PPARA: variants seen among roughly 807,000 people sequenced by gnomAD.
The protein encoded by PPARA is peroxisome proliferator activated receptor alpha, also known as peroxisome proliferator-activated receptor alpha.
In PPARA, 22 loss-of-function variants were observed where a neutral mutation model predicts 42.2. The ratio of observed to expected loss-of-function variants is 0.52; its 90% CI spans 0.37 to 0.74. The LOEUF (loss-of-function observed/expected upper bound fraction) is 0.74. PPARA is among the 30% of genes least tolerant of loss of function. The pLI is 0.00. For synonymous variants in PPARA, 242 were observed against 239.3 expected (o/e 1.01, Z -0.10); for missense variants, 465 against 608.2 (o/e 0.76, Z 2.48).
Position 46,162,009 on chromosome 22 carries a change from C to T in PPARA, c.-127+10039C>T, listed in dbSNP as rs898334645. ...TGAGCTGTCCTGCGTTTTCCCCTCC[C>T]CTCACCCTGGCGACCCTTTTCGGTC... On this transcript the variant is annotated intron_variant, in intron 2 of 8. Transcript: ENST00000407236. This position sits in a 1 kb window ranked among gnomAD's most constrained non-coding sequence, Gnocchi z 6.0. Among the ~76,000 whole-genome samples, 1 of 152,170 alleles carries T rather than the reference C, an allele frequency of 6.6e-6. No homozygotes were observed. The highest frequency in any genetic ancestry group is 2.4e-5 in the African/African-American group (1 of 41,452).
intron 2 of PPARA, among the ~76,000 whole-genome samples, chr22:46,158,356 G>A (rs1925634584): frequency 6.6e-6 from 1 of 152,132 alleles, no homozygotes; most frequent in Non-Finnish European, 1.5e-5. Flanking sequence ...GCAGTGAGCT[G>A]AGATCGCACC....
Position 46,156,726 on chromosome 22 carries a change from T to G in PPARA, c.-127+4756T>G, listed in dbSNP as rs1476029382. On this transcript the variant is annotated intron_variant, in intron 2 of 8. Transcript: ENST00000407236. The surrounding 1 kb of genome is among the most constrained non-coding windows in gnomAD (Gnocchi z 5.2). ...AAGCAATTCTCCCACCTCAGCCTCC[T>G]AAGTAGCTGGGACTACAGGCACCCG... The G allele has an allele frequency of 6.6e-6, 1 of 152,234 alleles. No individual in the cohort carries two copies. The highest frequency in any genetic ancestry group is 1.5e-5 in the Non-Finnish European group (1 of 68,116). The allele number at this position is 152,234 out of a possible 1,614,324, so 9.4% of individuals were successfully genotyped here. A position where few individuals can be genotyped will look rare whatever the true frequency, so the allele number is the denominator to read the frequency against.
chr22:46,166,282 T>A (rs959392965), intron 2 of PPARA, among the ~76,000 whole-genome samples: 2 of 152,146 alleles, frequency 1.3e-5, no homozygotes, highest in African/African-American at 4.8e-5. Flanking sequence ...TTTTGTCTAC[T>A]CTTTGTCTCT....
rs1404513686 is a variant in PPARA, at chr22:46,183,297, T to G, written c.-43+6461T>G. Among the ~76,000 whole-genome samples the G allele has an allele frequency of 6.6e-6, 1 of 152,260 alleles. No individual in the cohort carries two copies. The highest frequency in any genetic ancestry group is 1.9e-4 in the East Asian group (1 of 5,204). ...TTGTCATTAGTTTAAACTTCCAGTC[T>G]TTGTTTTAAAAACACATTAGAATAA... is the stretch of plus-strand genomic sequence containing the variant. On this transcript the variant is annotated intron_variant, in intron 3 of 8. Transcript: ENST00000407236. The surrounding 1 kb of genome is among the most constrained non-coding windows in gnomAD (Gnocchi z 5.5).
intron 2 of PPARA, among the ~76,000 whole-genome samples, chr22:46,153,041 G>A (rs996913690): frequency 6.6e-6 from 1 of 152,126 alleles, no homozygotes; most frequent in Non-Finnish European, 1.5e-5. Flanking sequence ...AACTGAGATT[G>A]TGCCACTGCA....
chr22:46,215,414 A>C (rs1156537422), intron 5 of PPARA, 81 bp downstream of exon 5: 1 of 1,569,030 alleles, frequency 6.4e-7, no homozygotes. Context: ...GGCAGTCATT[A>C]CTGAGAGATT....
At chr22:46,206,522 T>G (rs528877543) in intron 4 of PPARA, among the ~76,000 whole-genome samples, 1 of 152,326 alleles carries the variant, frequency 6.6e-6, no homozygotes, top group South Asian at 2.1e-4. Flanking sequence ...AGTGTATCTC[T>G]CTAATGTCTC....
At chr22:46,166,992 G>A (rs1927171208) in intron 2 of PPARA, among the ~76,000 whole-genome samples, 1 of 152,096 alleles carries the variant, frequency 6.6e-6, no homozygotes, top group Admixed American at 6.6e-5. Context: ...TTATTATAAA[G>A]CTACAGTAAT....
chr22:46,205,584 T>TTTTG, intron 4 of PPARA, among the ~76,000 whole-genome samples: 1 of 109,222 alleles, frequency 9.2e-6, no homozygotes, highest in Non-Finnish European at 1.8e-5. Flanking sequence ...TTTTTTTTTT[T>TTTTG]GAGACAGAGT....
intron 3 of PPARA, among the ~76,000 whole-genome samples, chr22:46,186,615 C>T (rs968877905): frequency 2.6e-5 from 4 of 152,098 alleles, no homozygotes; most frequent in African/African-American, 9.7e-5. Context: ...TTCAGCCAGG[C>T]GTAGTGGCTC....
At chr22:46,153,783 C>A (rs1213622256) in intron 2 of PPARA, among the ~76,000 whole-genome samples, 1 of 151,648 alleles carries the variant, frequency 6.6e-6, no homozygotes, top group African/African-American at 2.4e-5. Context: ...CTCTTGAACC[C>A]GGGAGGTGGA....
At chr22:46,169,530 G>A (rs994352456) in intron 2 of PPARA, among the ~76,000 whole-genome samples, 6 of 151,794 alleles carry the variant, frequency 4.0e-5, no homozygotes, top group South Asian at 4.1e-4. Flanking sequence ...CATCACGCCC[G>A]GCCACCAATG....
chr22:46,218,891 G>A (rs183770020), intron 6 of PPARA, among the ~76,000 whole-genome samples: 9 of 150,260 alleles, frequency 6.0e-5, no homozygotes, highest in Non-Finnish European at 1.2e-4. Flanking sequence ...TCCCAGGTGC[G>A]GTGGTTCACA....
At position 46,171,308 on chromosome 22, in the gene PPARA, A is replaced by T. The variant is rs1490024358; in HGVS notation, c.-126-5445A>T. The T allele has an allele frequency of 6.6e-6, 1 of 152,270 alleles. No individual in the cohort carries two copies. The highest frequency in any genetic ancestry group is 1.9e-4 in the East Asian group (1 of 5,202). 9.4% of individuals were successfully genotyped at this position (152,270 alleles called of 1,614,324 possible). Reference sequence around the variant, plus strand: ...CATTCTAGTTCAAACTCCACCAGATATTTGAGCTCCTTCTCTGTACCAGGC... The same window carrying T: ...CATTCTAGTTCAAACTCCACCAGATTTTTGAGCTCCTTCTCTGTACCAGGC... On this transcript the variant is annotated intron_variant, in intron 2 of 8. Transcript: ENST00000407236. The surrounding 1 kb of genome is among the most constrained non-coding windows in gnomAD (Gnocchi z 5.0).
intron 2 of PPARA, chr22:46,155,367 TGC>T (rs1925145169): frequency 6.6e-6 from 1 of 152,298 alleles, no homozygotes; most frequent in Non-Finnish European, 1.5e-5. Context: ...CAGACTGGCG[TGC>T]AGTGGCGCAA....
chr22:46,164,678 C>G (rs1449569508), intron 2 of PPARA: 2 of 152,172 alleles, frequency 1.3e-5, no homozygotes, highest in Non-Finnish European at 2.9e-5. Context: ...GAAGGTGGCC[C>G]AGCATAGGAG....
chr22:46,232,280 A>G lies in PPARA; in HGVS notation c.1159+41A>G, dbSNP rs765872588. On this transcript the variant is annotated intron_variant, in intron 8 of 8. Coordinates refer to ENST00000407236, the MANE Select transcript of PPARA (RefSeq NM_005036.6). The surrounding 1 kb of genome is among the most constrained non-coding windows in gnomAD (Gnocchi z 5.3). ...AATCTGCTGGTATCATGTCACTGAC[A>G]GGCTCCTGTCTTGAAAAATTTGACA... 5.0e-6 allele frequency: 8 copies of G among 1,602,084 alleles called. No homozygotes were observed. Among genetic ancestry groups the G allele is most frequent in the Non-Finnish European group, 1.7e-6 (2 of 1,169,528 alleles).
intron 7 of PPARA, among the ~76,000 whole-genome samples, chr22:46,223,509 C>T (rs1320241668): frequency 2.0e-5 from 3 of 151,120 alleles, no homozygotes; most frequent in East Asian, 3.9e-4. Flanking sequence ...TAGGCATGGT[C>T]GTGGGCACCT....
At chr22:46,228,238 T>C (rs977611318) in intron 7 of PPARA, among the ~76,000 whole-genome samples, 4 of 152,188 alleles carry the variant, frequency 2.6e-5, no homozygotes, top group African/African-American at 9.6e-5. Context: ...ATAATCATCT[T>C]TGAACAAGGG....
Sources: allele counts gnomAD v4.1 joint callset (sites outside exome capture counted in the v4.1 genomes callset), GRCh38; gene constraint gnomAD v4.1.1; non-coding constraint Gnocchi (gnomAD v3.1); transcripts MANE v1.5; gene names NCBI Gene and HGNC (gene_info 2026-07-23, HGNC 2026-07-21).